COL6A6: variants seen among roughly 807,000 people sequenced by gnomAD.
COL6A6 encodes the protein collagen type VI alpha 6 chain, also known as collagen alpha-6(VI) chain.
COL6A6 carries 183 observed loss-of-function variants against 208.6 expected under a neutral mutation model. The ratio of observed to expected loss-of-function variants is 0.88; its 90% CI spans 0.78 to 0.99. The LOEUF (loss-of-function observed/expected upper bound fraction) is 0.99. Ranked by LOEUF, COL6A6 falls within the 50% of genes least tolerant of loss-of-function variation. The pLI is 0.00. For missense variants in COL6A6, 2,816 were observed against 2,815.2 expected (o/e 1.00, Z -0.01); for synonymous variants, 973 against 1,011.8 (o/e 0.96, Z 0.73).
At chr3:130,560,965 C>T (rs1179781720) in intron 2 of COL6A6, among the ~76,000 whole-genome samples, 1 of 152,184 alleles carries the variant, frequency 6.6e-6, no homozygotes, top group Non-Finnish European at 1.5e-5. Flanking sequence ...TGGTTCTTGT[C>T]CAGAGCAACT....
chr3:130,578,980 A>G (rs1447726521), intron 8 of COL6A6, among the ~76,000 whole-genome samples: 2 of 152,222 alleles, frequency 1.3e-5, no homozygotes, highest in African/African-American at 4.8e-5. Flanking sequence ...TCTGGGAGGT[A>G]TATAAACTGA....
chr3:130,562,248 G>A (rs879703421), intron 2 of COL6A6, among the ~76,000 whole-genome samples: 14 of 152,198 alleles, frequency 9.2e-5, no homozygotes, highest in Admixed American at 2.0e-4. Context: ...GATAAGTAGT[G>A]TTGAATCTAA....
At chr3:130,662,795 C>CT (rs1166764926) in intron 35 of COL6A6, among the ~76,000 whole-genome samples, 1 of 152,130 alleles carries the variant, frequency 6.6e-6, no homozygotes, top group African/African-American at 2.4e-5. Context: ...ACCATTTTAC[C>CT]TGTCAGAATG....
intron 1 of COL6A6, among the ~76,000 whole-genome samples, chr3:130,559,842 T>C (rs1354440781): frequency 6.6e-6 from 1 of 152,166 alleles, no homozygotes; most frequent in Non-Finnish European, 1.5e-5. Flanking sequence ...AAATAGCTAC[T>C]GTTTCAGTTA....
chr3:130,540,346 A>G (rs1311312141), intron 1 of COL6A6, among the ~76,000 whole-genome samples: 1 of 152,222 alleles, frequency 6.6e-6, no homozygotes, highest in Non-Finnish European at 1.5e-5. Flanking sequence ...CTGGCACATC[A>G]TCACCCAAAG....
chr3:130,622,731 C>G (rs1166689023), intron 24 of COL6A6, among the ~76,000 whole-genome samples: 1 of 151,932 alleles, frequency 6.6e-6, no homozygotes, highest in African/African-American at 2.4e-5. Context: ...GTGGCGGGCA[C>G]CTGTAGTCCC....
At chr3:130,576,458 T>G (rs997417418) in intron 8 of COL6A6, among the ~76,000 whole-genome samples, 2 of 152,212 alleles carry the variant, frequency 1.3e-5, no homozygotes, top group African/African-American at 4.8e-5. Context: ...TCACATACTT[T>G]GGAATGTATC....
At chr3:130,586,378 G>A in intron 10 of COL6A6, 128 bp from the exon 11 acceptor site, 1 of 690,460 alleles carries the variant, frequency 1.4e-6, no homozygotes, top group Admixed American at 2.6e-5. Context: ...TGTGTTTGGG[G>A]GAAGTGGACA....
At chr3:130,567,334 T>C in intron 5 of COL6A6, 72 bp downstream of exon 5, 4 of 1,191,052 alleles carry the variant, frequency 3.4e-6, no homozygotes, top group Non-Finnish European at 4.7e-6. Context: ...TTGACATTGC[T>C]GGTTTAGAAA....
intron 1 of COL6A6, among the ~76,000 whole-genome samples, chr3:130,551,789 G>A (rs1577678341): frequency 6.6e-6 from 1 of 151,962 alleles, no homozygotes; most frequent in Non-Finnish European, 1.5e-5. Context: ...TTTGATGTGG[G>A]TGTTTAGTGC....
chr3:130,651,425 CA>C (rs35957602), intron 33 of COL6A6, among the ~76,000 whole-genome samples: 11,777 of 61,020 alleles, frequency 0.19, 319 homozygotes, highest in Admixed American at 0.28. Flanking sequence ...GACTCCATCT[CA>C]AAAAAAAAAA....
intron 1 of COL6A6, among the ~76,000 whole-genome samples, chr3:130,545,546 C>G (rs1261751062): frequency 6.6e-6 from 1 of 151,502 alleles, no homozygotes; most frequent in African/African-American, 2.4e-5. Flanking sequence ...CTCCGCCTCC[C>G]GGATTCAAGT....
chr3:130,642,767 G>C, intron 29 of COL6A6, 65 bp from the exon 30 acceptor site: 1 of 1,423,636 alleles, frequency 7.0e-7, no homozygotes, highest in Non-Finnish European at 9.7e-7. Flanking sequence ...GGCAATGTTG[G>C]TGCACACTGG....
At chr3:130,575,626 A>T (rs1245235715) in intron 8 of COL6A6, among the ~76,000 whole-genome samples, 1 of 152,106 alleles carries the variant, frequency 6.6e-6, no homozygotes, top group Non-Finnish European at 1.5e-5. Context: ...CCAGACTTTC[A>T]CTGCACTCCC....
Position 130,623,093 on chromosome 3 carries a change from CT to C in COL6A6, c.4878+1214del, listed in dbSNP as rs148709254. ...GTGGCCAGCACGGTGTTATCTAAAA[CT>C]TTTGAATGGAGTGGATGAACACAGC... On this transcript the variant is annotated intron_variant, in intron 24 of 36. Transcript: ENST00000358511. Among the ~76,000 whole-genome samples, 548 of 152,220 alleles carry C rather than the reference CT, an allele frequency of 3.6e-3. 4 individuals carry two copies. The highest frequency in any genetic ancestry group is 0.013 in the African/African-American group (521 of 41,530).
At chr3:130,637,877 A>G (rs967765658) in intron 28 of COL6A6, among the ~76,000 whole-genome samples, 1 of 152,068 alleles carries the variant, frequency 6.6e-6, no homozygotes, top group Non-Finnish European at 1.5e-5. Flanking sequence ...GTTTCTCCAT[A>G]TCAGCACTGT....
At chr3:130,536,184 A>G (rs2062220186) in intron 1 of COL6A6, among the ~76,000 whole-genome samples, 1 of 152,150 alleles carries the variant, frequency 6.6e-6, no homozygotes, top group Non-Finnish European at 1.5e-5. Flanking sequence ...TCATGAAACA[A>G]ATTCTTCTCC....
chr3:130,520,486 C>T (rs1173453345), intron 1 of COL6A6, among the ~76,000 whole-genome samples: 1 of 152,158 alleles, frequency 6.6e-6, no homozygotes, highest in African/African-American at 2.4e-5. Flanking sequence ...GAGATTACCA[C>T]ATAAAAATAG....
At chr3:130,665,146 C>A in intron 36 of COL6A6, 50 bp downstream of exon 36, 2 of 1,267,136 alleles carry the variant, frequency 1.6e-6, no homozygotes. Flanking sequence ...CCCTGCCTTT[C>A]TTCTATTTTC....
Sources: allele counts gnomAD v4.1 joint callset (sites outside exome capture counted in the v4.1 genomes callset), GRCh38; gene constraint gnomAD v4.1.1; transcripts MANE v1.5; gene names NCBI Gene and HGNC (gene_info 2026-07-23, HGNC 2026-07-21).